CARMIL1: variants seen among roughly 807,000 people sequenced by gnomAD.
CARMIL1 encodes the protein F-actin-uncapping protein LRRC16A.
Under a neutral mutation model 177.1 loss-of-function variants are expected in CARMIL1, and 90 were observed. The observed-to-expected ratio is 0.51, with a 90% CI of 0.43 to 0.61. The LOEUF (loss-of-function observed/expected upper bound fraction) is 0.61. Among genes scored for constraint, CARMIL1 ranks in the 20% least tolerant of loss-of-function variants. The pLI, the probability that CARMIL1 is intolerant of heterozygous loss-of-function variation, is 0.00. For synonymous variants in CARMIL1, 577 were observed against 606.2 expected (o/e 0.95, Z 0.71); for missense variants, 1,380 against 1,667.0 (o/e 0.83, Z 3.00).
chr6:25,411,437 C>G (rs1794897023), intron 2 of CARMIL1, among the ~76,000 whole-genome samples: 1 of 152,206 alleles, frequency 6.6e-6, no homozygotes, highest in South Asian at 2.1e-4. Context: ...TATCATTACT[C>G]TGACTTTAAA....
intron 2 of CARMIL1, among the ~76,000 whole-genome samples, chr6:25,365,789 G>A (rs142932275): frequency 1.8e-4 from 28 of 152,260 alleles, no homozygotes; most frequent in African/African-American, 2.9e-4. Flanking sequence ...GAGTTCAAGC[G>A]ATCCGCCTGT....
chr6:25,288,564 A>C (rs1211238026), intron 2 of CARMIL1, among the ~76,000 whole-genome samples: 1 of 151,016 alleles, frequency 6.6e-6, no homozygotes, highest in Non-Finnish European at 1.5e-5. Context: ...TATCAAGTGG[A>C]ATTTATTTAA....
chr6:25,455,902 GT>G (rs1402832168), intron 8 of CARMIL1, among the ~76,000 whole-genome samples: 1 of 152,196 alleles, frequency 6.6e-6, no homozygotes, highest in African/African-American at 2.4e-5. Flanking sequence ...TTCTGTCTGT[GT>G]GGGAACCCAT....
At chr6:25,328,370 G>C (rs1561989963) in intron 2 of CARMIL1, among the ~76,000 whole-genome samples, 1 of 152,178 alleles carries the variant, frequency 6.6e-6, no homozygotes, top group Non-Finnish European at 1.5e-5. Flanking sequence ...TGTAGGGCTT[G>C]GTCCGTCAAG....
intron 2 of CARMIL1, among the ~76,000 whole-genome samples, chr6:25,359,176 T>C (rs1480838520): frequency 6.6e-6 from 1 of 152,144 alleles, no homozygotes; most frequent in Non-Finnish European, 1.5e-5. Flanking sequence ...GTGAATGCCA[T>C]TATAGCTAAG....
At chr6:25,450,951 C>CCTCTT (rs1798816125) in intron 8 of CARMIL1, among the ~76,000 whole-genome samples, 3 of 21,252 alleles carry the variant, frequency 1.4e-4, no homozygotes, top group Non-Finnish European at 1.9e-4. Flanking sequence ...CCTCTCCTCT[C>CCTCTT]CTCTCCTCTC....
chr6:25,586,818 G>T (rs1406787702), intron 31 of CARMIL1, among the ~76,000 whole-genome samples: 6 of 152,044 alleles, frequency 3.9e-5, no homozygotes, highest in Admixed American at 6.5e-5. Context: ...GTCAGGCGTG[G>T]CGGCGCGCGC....
At chr6:25,338,479 A>ATAGCATGCAGATTATACCACAGAT (rs1355105333) in intron 2 of CARMIL1, among the ~76,000 whole-genome samples, 4 of 151,942 alleles carry the variant, frequency 2.6e-5, no homozygotes, top group African/African-American at 9.7e-5. Context: ...TAAGATGGAA[A>ATAGCATGCAGATTATACCACAGAT]TAGCATGCAG....
chr6:25,336,413 G>A (rs1232353864), intron 2 of CARMIL1, among the ~76,000 whole-genome samples: 1 of 152,206 alleles, frequency 6.6e-6, no homozygotes, highest in Non-Finnish European at 1.5e-5. Context: ...TCCCCTGTGA[G>A]CAGCCTAAGG....
At chr6:25,495,082 C>T (rs772899452) in intron 15 of CARMIL1, 29 bp from the exon 16 acceptor site, 23 of 1,323,548 alleles carry the variant, frequency 1.7e-5, no homozygotes, top group South Asian at 1.2e-4. Context: ...AAGGTGTAAC[C>T]GCTTGTGTAA....
intron 1 of CARMIL1, 111 bp downstream of exon 1, chr6:25,279,946 A>G: frequency 7.0e-6 from 9 of 1,281,440 alleles, no homozygotes; most frequent in Non-Finnish European, 1.0e-5. Flanking sequence ...GGCGCCCCTT[A>G]GGGCAGAGTG....
At chr6:25,376,057 C>A (rs957821204) in intron 2 of CARMIL1, among the ~76,000 whole-genome samples, 1 of 151,974 alleles carries the variant, frequency 6.6e-6, no homozygotes, top group African/African-American at 2.4e-5. Flanking sequence ...GTTATAGAAC[C>A]CCGTTTTGTC....
In CARMIL1 at chr6:25,517,786, G is replaced by C. The variant is rs192115055; in HGVS notation, c.1874+371G>C. On this transcript the variant is annotated intron_variant, in intron 22 of 36. Transcript: ENST00000329474. The stretch of plus-strand genomic sequence containing the variant: ...TTCTTTTTCCTATTGTGACACCTTT[G>C]AATTCACTGGTGAGAAGAAAGCTGA... 2.5e-3 allele frequency among the ~76,000 whole-genome samples: 376 copies of C among 152,244 alleles called. 2 individuals carry two copies. Among genetic ancestry groups the C allele is most frequent in the Non-Finnish European group, 3.2e-3 (221 of 68,010 alleles).
chr6:25,535,663 A>G (rs1808223104), intron 24 of CARMIL1, among the ~76,000 whole-genome samples: 1 of 152,232 alleles, frequency 6.6e-6, no homozygotes, highest in Admixed American at 6.5e-5. Flanking sequence ...GTAACCCAAG[A>G]GATTATAGCC....
Position 25,437,043 on chromosome 6 carries a change from C to A in CARMIL1, c.371+1439C>A, listed in dbSNP as rs1797292162. Among the ~76,000 whole-genome samples, 4 of 152,112 alleles carry A rather than the reference C, an allele frequency of 2.6e-5. No individual in the cohort carries two copies. In the South Asian group the frequency reaches 8.3e-4, roughly 32 times the overall value. On this transcript the variant is annotated intron_variant, in intron 5 of 36. Coordinates refer to ENST00000329474, the MANE Select transcript of CARMIL1 (RefSeq NM_017640.6). ...CAATGGGAATTGCCAAGAAGCAAAA[C>A]CTTAGGAATGGGTTCGACATCATCC...
Position 25,610,270 on chromosome 6 carries a change from A to G in CARMIL1, c.3979+89A>G, listed in dbSNP as rs779143287. 32 of 1,404,578 alleles carry G rather than the reference A, an allele frequency of 2.3e-5. No homozygotes were observed. In the Middle Eastern group the frequency reaches 5.8e-4, roughly 26 times the overall value. 87.0% of individuals were successfully genotyped at this position (1,404,578 alleles called of 1,614,324 possible). A position where few individuals can be genotyped will look rare whatever the true frequency, so the allele number is the denominator to read the frequency against. On this transcript the variant is annotated intron_variant, in intron 36 of 36. Coordinates refer to ENST00000329474, the MANE Select transcript of CARMIL1 (RefSeq NM_017640.6). ...AAAGGAACTCATCCTGGACTTTACT[A>G]ATATCTTAGAGTTTGTTAAAGTCAA...
intron 2 of CARMIL1, among the ~76,000 whole-genome samples, chr6:25,403,473 G>A (rs553309177): frequency 6.6e-6 from 1 of 152,286 alleles, no homozygotes; most frequent in East Asian, 1.9e-4. Flanking sequence ...GTGGACAACA[G>A]CCAATAAAGC....
At chr6:25,450,834 C>T (rs1391915449) in intron 8 of CARMIL1, 123 bp downstream of exon 8, 1 of 443,322 alleles carries the variant, frequency 2.3e-6, no homozygotes, top group African/African-American at 3.1e-5. Context: ...CCTCCCCTTC[C>T]CTCCCCTCCC....
intron 29 of CARMIL1, among the ~76,000 whole-genome samples, chr6:25,560,387 C>G (rs1017146806): frequency 2.0e-5 from 3 of 152,104 alleles, no homozygotes; most frequent in African/African-American, 4.8e-5. Context: ...CAGCCTGTGT[C>G]TACTCTCTTA....
Sources: gnomAD v4.1 joint callset for allele counts (sites outside exome capture counted in the v4.1 genomes callset) on GRCh38, gnomAD v4.1.1 for gene constraint, MANE v1.5 for transcripts, NCBI Gene and HGNC (gene_info 2026-07-23, HGNC 2026-07-21) for gene names.